The following PARD3B variants were observed in gnomAD, a reference collection of about 807,000 sequenced individuals.
PARD3B encodes the protein partitioning defective 3 homolog B.
A neutral mutation model predicts 130.2 loss-of-function variants in PARD3B; 103 were observed. That is an observed-to-expected ratio of 0.79 (90% confidence interval 0.67 to 0.93). The LOEUF (loss-of-function observed/expected upper bound fraction) is 0.93, where lower values mean the gene tolerates loss of function less well. Ranked by LOEUF, PARD3B falls within the 40% of genes least tolerant of loss-of-function variation. The pLI is 0.00. For synonymous variants in PARD3B, 583 were observed against 553.2 expected, an observed-to-expected ratio of 1.05 and a Z score of -0.76; for missense variants, 1,609 against 1,499.2, an observed-to-expected ratio of 1.07 and a Z score of -1.21.
At chr2:204,938,649 A>G (rs2194513) in intron 2 of PARD3B, among the ~76,000 whole-genome samples, 55,052 of 152,124 alleles carry the variant, frequency 0.36, 10,991 homozygotes, top group East Asian at 0.73. Flanking sequence ...AAAATCATTT[A>G]GGGAAATTTT....
At chr2:205,032,052 A>C (rs552298558) in intron 3 of PARD3B, among the ~76,000 whole-genome samples, 42 of 152,254 alleles carry the variant, frequency 2.8e-4, no homozygotes, top group Non-Finnish European at 5.0e-4. Context: ...TAGAACTCCA[A>C]TGTTGTTAGA....
At position 205,612,537 on chromosome 2, in the gene PARD3B, T is replaced by C. The variant is rs190093316; in HGVS notation, c.3261-2919T>C. On this transcript the variant is annotated intron_variant, in intron 22 of 22. Coordinates refer to ENST00000406610, the MANE Select transcript of PARD3B (RefSeq NM_001302769.2). ...CAAAAGTCTGTAGGAAATTCTGTTATGAACAAAATGTTGTTATAAACAACA... is the reference window on the plus strand; with the variant it reads ...CAAAAGTCTGTAGGAAATTCTGTTACGAACAAAATGTTGTTATAAACAACA... Among the ~76,000 whole-genome samples the C allele has an allele frequency of 5.9e-5, 9 of 152,318 alleles. No homozygotes were observed. In the East Asian group the frequency reaches 1.7e-3, roughly 29 times the overall value.
In PARD3B at chr2:205,030,332, C is replaced by T. The variant is rs145777487; in HGVS notation, c.395-17249C>T. 1.3e-4 allele frequency among the ~76,000 whole-genome samples: 20 copies of T among 152,198 alleles called. 1 individual carries two copies. The highest frequency in any genetic ancestry group is 2.6e-4 in the Non-Finnish European group (18 of 67,992). On this transcript the variant is annotated intron_variant, in intron 3 of 22. Transcript: ENST00000406610. ...GCGACAACCAATTAAAACAAGGCAT[C>T]CTGGCCAAAAAGAATCAAGTTGTGT...
chr2:205,485,078 A>G (rs2049387667), intron 20 of PARD3B, among the ~76,000 whole-genome samples: 1 of 152,174 alleles, frequency 6.6e-6, no homozygotes, highest in Non-Finnish European at 1.5e-5. Context: ...GAATGGGGCA[A>G]TGGCTATTTA....
Position 205,454,069 on chromosome 2 carries a change from C to A in PARD3B, c.3044+13397C>A, listed in dbSNP as rs188910245. Among the ~76,000 whole-genome samples the A allele has an allele frequency of 5.9e-5, 9 of 152,182 alleles. No homozygotes were observed. In the East Asian group the frequency reaches 1.7e-3, roughly 29 times the overall value. ...ATATGTATGTTTTGTGCAAAGCACC[C>A]TACTCAAGGCTGCGGGGTACAAAAG... On this transcript the variant is annotated intron_variant, in intron 20 of 22. Transcript: ENST00000406610.
chr2:205,106,519 GTGTGTGTGTGTA>G (rs1307578317), intron 5 of PARD3B, among the ~76,000 whole-genome samples: 45 of 50,400 alleles, frequency 8.9e-4, no homozygotes, highest in African/African-American at 2.9e-3. Flanking sequence ...GTGTGTGTGT[GTGTGTGTGTGTA>G]TATTTGATTA....
intron 18 of PARD3B, among the ~76,000 whole-genome samples, chr2:205,326,195 C>T (rs1682566158): frequency 6.6e-6 from 1 of 152,156 alleles, no homozygotes; most frequent in South Asian, 2.1e-4. Context: ...AAACCGCATA[C>T]TGAAAATGTG....
intron 2 of PARD3B, among the ~76,000 whole-genome samples, chr2:204,886,281 G>T (rs2046268828): frequency 6.6e-6 from 1 of 152,154 alleles, no homozygotes; most frequent in African/African-American, 2.4e-5. Context: ...AAATTAGGTT[G>T]TGTGTTTCCA....
intron 16 of PARD3B, among the ~76,000 whole-genome samples, chr2:205,275,837 C>CAAAAA (rs59238795): frequency 9.9e-5 from 6 of 60,646 alleles, no homozygotes; most frequent in Non-Finnish European, 9.2e-5. Context: ...AACTTTGTCT[C>CAAAAA]AAAAAAAAAA....
rs534414637 is a variant in PARD3B, at chr2:204,722,939, T to C, written c.222+36657T>C. ...CAAGGCCAGCTGGCAAAAATTAGCA[T>C]AGAATGGGGTATTGTTTCATCAAAA... On this transcript the variant is annotated intron_variant, in intron 2 of 22. Coordinates refer to ENST00000406610, the MANE Select transcript of PARD3B (RefSeq NM_001302769.2). 2.0e-5 allele frequency among the ~76,000 whole-genome samples: 3 copies of C among 152,242 alleles called. No individual in the cohort carries two copies. In the East Asian group the frequency reaches 5.8e-4, roughly 29 times the overall value.
chr2:204,594,446 C>T (rs1183521963), intron 1 of PARD3B, among the ~76,000 whole-genome samples: 6 of 152,174 alleles, frequency 3.9e-5, no homozygotes, highest in Admixed American at 3.9e-4. Context: ...GCGTGGAGAA[C>T]TTGCTGTATT....
At chr2:205,390,764 C>T (rs78941188) in intron 18 of PARD3B, among the ~76,000 whole-genome samples, 2,803 of 152,258 alleles carry the variant, frequency 0.018, 84 homozygotes, top group African/African-American at 0.063. Flanking sequence ...CGTTTGTTCT[C>T]CATGCATAAC....
chr2:205,167,849 T>C lies in PARD3B; in HGVS notation c.1621-4362T>C, dbSNP rs550143470. On this transcript the variant is annotated intron_variant, in intron 11 of 22. Coordinates refer to ENST00000406610, the MANE Select transcript of PARD3B (RefSeq NM_001302769.2). The stretch of plus-strand genomic sequence containing the variant: ...ATCTCCTAAATAGCAGAGAGTAGCA[T>C]TTATATCACAGGGTTGCTGTAAGAA... 4.6e-5 allele frequency among the ~76,000 whole-genome samples: 7 copies of C among 152,340 alleles called. No individual in the cohort carries two copies. In the South Asian group the frequency reaches 8.3e-4, roughly 18 times the overall value.
chr2:204,563,973 A>G (rs2031512363), intron 1 of PARD3B, among the ~76,000 whole-genome samples: 2 of 151,954 alleles, frequency 1.3e-5, no homozygotes, highest in Non-Finnish European at 2.9e-5. Context: ...ACGGGGTTTA[A>G]CCGTGTTAGC....
intron 2 of PARD3B, among the ~76,000 whole-genome samples, chr2:204,722,583 A>G (rs2039047757): frequency 1.3e-5 from 2 of 152,208 alleles, no homozygotes; most frequent in African/African-American, 4.8e-5. Flanking sequence ...ACTAGCGAGA[A>G]GAGATACGAG....
chr2:205,126,709 G>T (rs1241790524), intron 10 of PARD3B, among the ~76,000 whole-genome samples: 3 of 132,606 alleles, frequency 2.3e-5, no homozygotes, highest in African/African-American at 9.0e-5. Flanking sequence ...TTGCGCCACT[G>T]CAGTCCGCAG....
chr2:205,121,870 A>G lies in PARD3B; in HGVS notation c.1086A>G (p.Pro362=), dbSNP rs2125622155. The G allele has an allele frequency of 6.2e-7, 1 of 1,614,098 alleles. No individual in the cohort carries two copies. Among genetic ancestry groups the G allele is most frequent in the South Asian group, 1.1e-5 (1 of 91,084 alleles). Residue 362 remains proline, a synonymous_variant, in exon 8 of 23, where the codon CCA becomes CCG. Transcript: ENST00000406610. This position sits in a 1 kb window ranked among gnomAD's most constrained non-coding sequence, Gnocchi z 5.0. ...SPRVPRLGGK[P]SSPSLSPLMG... ...GAGTACCAAGGCTGGGAGGAAAACCATCCTCTCCCTCACTCTCGCCTCTCA... is the reference window on the plus strand; with the variant it reads ...GAGTACCAAGGCTGGGAGGAAAACCGTCCTCTCCCTCACTCTCGCCTCTCA...
intron 16 of PARD3B, among the ~76,000 whole-genome samples, chr2:205,255,125 G>A (rs985102229): frequency 4.0e-5 from 6 of 151,748 alleles, no homozygotes; most frequent in Non-Finnish European, 7.4e-5. Flanking sequence ...TTTATGCCTC[G>A]GAGCCCCAGC....
rs187557194 is a variant in PARD3B at position 204,955,596 on chromosome 2, A to G, written c.223-9556A>G. Reference sequence around the variant, plus strand: ...GGAATTTTTTCCCATGTGCCAAGAAACATACTTGCAGCTTGGAATATAAAG... The same window carrying G: ...GGAATTTTTTCCCATGTGCCAAGAAGCATACTTGCAGCTTGGAATATAAAG... On this transcript the variant is annotated intron_variant, in intron 2 of 22. Coordinates refer to ENST00000406610, the MANE Select transcript of PARD3B (RefSeq NM_001302769.2). Among the ~76,000 whole-genome samples, 564 of 152,304 alleles carry G rather than the reference A, an allele frequency of 3.7e-3. 3 individuals carry two copies. Among genetic ancestry groups the G allele is most frequent in the African/African-American group, 0.013 (538 of 41,568 alleles).
Sources: allele counts gnomAD v4.1 joint callset (sites outside exome capture counted in the v4.1 genomes callset), GRCh38; gene constraint gnomAD v4.1.1; non-coding constraint Gnocchi (gnomAD v3.1); transcripts MANE v1.5; gene names NCBI Gene and HGNC (gene_info 2026-07-23, HGNC 2026-07-21).